Variants in WASF3 observed in about 807,000 individuals in gnomAD.
The protein encoded by WASF3 is actin-binding protein WASF3.
A neutral mutation model predicts 46.6 loss-of-function variants in WASF3; 11 were observed. The ratio of observed to expected loss-of-function variants is 0.24; its 90% CI spans 0.15 to 0.39. WASF3 has a LOEUF of 0.39. Among genes scored for constraint, WASF3 ranks in the 10% least tolerant of loss-of-function variants. The probability of loss-of-function intolerance (pLI) is 1.00; values close to 1 mark genes in which losing one functional copy is unlikely to be tolerated. For synonymous variants in WASF3, 242 were observed against 259.7 expected, an observed-to-expected ratio of 0.93 and a Z score of 0.65; for missense variants, 576 against 669.8, an observed-to-expected ratio of 0.86 and a Z score of 1.55.
At chr13:26,678,192 T>G (rs1380234969) in intron 7 of WASF3, among the ~76,000 whole-genome samples, 1 of 152,230 alleles carries the variant, frequency 6.6e-6, no homozygotes, top group Non-Finnish European at 1.5e-5. Flanking sequence ...TTGCATACAT[T>G]ATTTACTATC....
the WASF3 span, among the ~76,000 whole-genome samples, chr13:26,550,218 T>G: frequency 6.6e-6 from 1 of 152,196 alleles, no homozygotes; most frequent in Non-Finnish European, 1.5e-5. Flanking sequence ...GGGTTTGATT[T>G]TTTTAAAATT....
At chr13:26,583,445 T>G (rs1164250932) in intron 1 of WASF3, among the ~76,000 whole-genome samples, 1 of 152,202 alleles carries the variant, frequency 6.6e-6, no homozygotes, top group Non-Finnish European at 1.5e-5. Flanking sequence ...TGGAAATACT[T>G]AAAGATGCAG....
chr13:26,554,883 A>G (rs902846129), upstream of WASF3, among the ~76,000 whole-genome samples: 3 of 152,188 alleles, frequency 2.0e-5, no homozygotes, highest in Admixed American at 2.0e-4. Flanking sequence ...TTTCAGCACA[A>G]TTGGGTAAAT....
intron 9 of WASF3, among the ~76,000 whole-genome samples, chr13:26,683,207 C>T (rs1456265297): frequency 1.3e-5 from 2 of 152,148 alleles, no homozygotes; most frequent in African/African-American, 2.4e-5. Context: ...GCGGTGGGCT[C>T]ATGCCTGTAA....
At chr13:26,648,719 A>G (rs1202309778) in intron 3 of WASF3, among the ~76,000 whole-genome samples, 2 of 152,194 alleles carry the variant, frequency 1.3e-5, no homozygotes, top group South Asian at 2.1e-4. Flanking sequence ...TAATGCTGCA[A>G]ACTTATTTTT....
At chr13:26,638,463 A>ATTGTT (rs1267447168) in intron 2 of WASF3, 11 of 152,280 alleles carry the variant, frequency 7.2e-5, no homozygotes, top group African/African-American at 2.2e-4. Flanking sequence ...ATTAGCAATC[A>ATTGTT]TTGTTTTATT....
At chr13:26,585,699 G>A (rs759892448) in intron 1 of WASF3, among the ~76,000 whole-genome samples, 15 of 152,098 alleles carry the variant, frequency 9.9e-5, no homozygotes, top group Non-Finnish European at 1.9e-4. Context: ...CATGTTGATG[G>A]TAAGACCATA....
intron 3 of WASF3, among the ~76,000 whole-genome samples, chr13:26,657,479 T>C (rs746591327): frequency 1.2e-4 from 19 of 152,220 alleles, no homozygotes; most frequent in Non-Finnish European, 2.4e-4. Flanking sequence ...AAAATACTAC[T>C]TTAAAATAGT....
rs540460704 is a variant in WASF3, at chr13:26,608,455, G to A, written c.-108-4506G>A. 3.9e-5 allele frequency among the ~76,000 whole-genome samples: 6 copies of A among 152,282 alleles called. No individual in the cohort carries two copies. The South Asian group carries it at 6.2e-4, about 16-fold the overall frequency. Reference sequence around the variant, plus strand: ...AGGTGTTCAGTGAATGTCAGCTAACGTTATTTTTGTTTTAGCTTACAGCAG... The same window carrying A: ...AGGTGTTCAGTGAATGTCAGCTAACATTATTTTTGTTTTAGCTTACAGCAG... On this transcript the variant is annotated intron_variant, in intron 1 of 9. Transcript: ENST00000335327.
chr13:26,598,324 G>C (rs1273214918), intron 1 of WASF3, among the ~76,000 whole-genome samples: 1 of 151,998 alleles, frequency 6.6e-6, no homozygotes, highest in Non-Finnish European at 1.5e-5. Context: ...TTTTTTTCTT[G>C]TAAATTTGTT....
intron 1 of WASF3, among the ~76,000 whole-genome samples, chr13:26,584,722 A>T (rs1205454156): frequency 1.3e-5 from 2 of 152,216 alleles, no homozygotes; most frequent in Non-Finnish European, 2.9e-5. Flanking sequence ...TGCAGCAAAG[A>T]AAGGATGTGA....
intron 1 of WASF3, among the ~76,000 whole-genome samples, chr13:26,573,585 T>C (rs565764159): frequency 6.6e-6 from 1 of 152,252 alleles, no homozygotes; most frequent in South Asian, 2.1e-4. Context: ...TGTTTGTATA[T>C]CCCTTTTCAC....
intron 1 of WASF3, among the ~76,000 whole-genome samples, chr13:26,573,941 A>G (rs569949048): frequency 6.6e-6 from 1 of 152,302 alleles, no homozygotes; most frequent in Non-Finnish European, 1.5e-5. Flanking sequence ...TAAATCTTTC[A>G]TTCAACAAGT....
At chr13:26,599,079 C>T (rs545323392) in intron 1 of WASF3, among the ~76,000 whole-genome samples, 55 of 152,014 alleles carry the variant, frequency 3.6e-4, no homozygotes, top group African/African-American at 1.3e-3. Context: ...CCATGTTGGT[C>T]TCGAACTCCT....
intron 1 of WASF3, among the ~76,000 whole-genome samples, chr13:26,595,892 A>G (rs1880446436): frequency 6.6e-6 from 1 of 152,234 alleles, no homozygotes; most frequent in South Asian, 2.1e-4. Flanking sequence ...TCAACAATCC[A>G]CGCAAACAAC....
chr13:26,632,117 A>G (rs1159921882), intron 2 of WASF3, among the ~76,000 whole-genome samples: 1 of 152,204 alleles, frequency 6.6e-6, no homozygotes, highest in African/African-American at 2.4e-5. Context: ...GTCATCTGCA[A>G]ACAGGGACAA....
chr13:26,541,227 T>C, the WASF3 span, among the ~76,000 whole-genome samples: 1 of 152,124 alleles, frequency 6.6e-6, no homozygotes, highest in South Asian at 2.1e-4. Context: ...AGGAGTCAGA[T>C]TTAGCAGCTA....
chr13:26,548,289 A>C, the WASF3 span, among the ~76,000 whole-genome samples: 1 of 152,160 alleles, frequency 6.6e-6, no homozygotes. Context: ...CAGAAGCTTG[A>C]AACCTTGAAA....
the WASF3 span, among the ~76,000 whole-genome samples, chr13:26,551,021 T>A: frequency 6.6e-6 from 1 of 152,180 alleles, no homozygotes; most frequent in Non-Finnish European, 1.5e-5. Context: ...TGGTGGCAGG[T>A]GATTGGATCG....
Sources: gnomAD v4.1 joint callset for allele counts (sites outside exome capture counted in the v4.1 genomes callset) on GRCh38, gnomAD v4.1.1 for gene constraint, MANE v1.5 for transcripts, NCBI Gene and HGNC (gene_info 2026-07-23, HGNC 2026-07-21) for gene names.